Variants in SCHIP1 observed in about 807,000 individuals in gnomAD.
The protein encoded by SCHIP1 is schwannomin interacting protein 1.
Under a neutral mutation model 29.7 loss-of-function variants are expected in SCHIP1, and 8 were observed. That is an observed-to-expected ratio of 0.27 (90% CI 0.16 to 0.49). SCHIP1 has a LOEUF of 0.49. SCHIP1 is among the 20% of genes least tolerant of loss of function. The probability of loss-of-function intolerance (pLI) is 0.99; values close to 1 mark genes in which losing one functional copy is unlikely to be tolerated. For synonymous variants in SCHIP1, 76 were observed against 94.9 expected (o/e 0.80, Z 1.16); for missense variants, 193 against 294.6 (o/e 0.66, Z 2.52).
chr3:159,394,211 T>G, the SCHIP1 span, among the ~76,000 whole-genome samples: 39 of 150,692 alleles, frequency 2.6e-4, no homozygotes, highest in African/African-American at 9.3e-4. Context: ...AAGGAGATTT[T>G]GGGCTGAGAC....
At chr3:159,464,858 A>G in the SCHIP1 span, among the ~76,000 whole-genome samples, 2 of 152,210 alleles carry the variant, frequency 1.3e-5, no homozygotes, top group African/African-American at 2.4e-5. Flanking sequence ...TCCTCTAAGC[A>G]TTTAATACTA....
the SCHIP1 span, among the ~76,000 whole-genome samples, chr3:159,819,658 T>C: frequency 6.6e-6 from 1 of 152,240 alleles, no homozygotes; most frequent in South Asian, 2.1e-4. Flanking sequence ...AATGTTTTCA[T>C]AGCAGAGAAA....
At chr3:159,552,685 C>T in the SCHIP1 span, among the ~76,000 whole-genome samples, 1 of 152,108 alleles carries the variant, frequency 6.6e-6, no homozygotes, top group Non-Finnish European at 1.5e-5. Flanking sequence ...TCTTGCTTTT[C>T]AATTACTTTT....
At chr3:159,316,602 C>T in the SCHIP1 span, among the ~76,000 whole-genome samples, 1 of 152,176 alleles carries the variant, frequency 6.6e-6, no homozygotes, top group Non-Finnish European at 1.5e-5. Flanking sequence ...CCCTTGTCAA[C>T]TTGAACCTGT....
chr3:159,735,612 T>C, the SCHIP1 span, among the ~76,000 whole-genome samples: 1 of 152,196 alleles, frequency 6.6e-6, no homozygotes, highest in African/African-American at 2.4e-5. Context: ...TTCAGCACTT[T>C]CATTGTTTAG....
At chr3:159,608,206 G>A in the SCHIP1 span, among the ~76,000 whole-genome samples, 1 of 152,222 alleles carries the variant, frequency 6.6e-6, no homozygotes, top group Non-Finnish European at 1.5e-5. Flanking sequence ...GGAGACCTCA[G>A]TGATTCAACT....
chr3:159,597,750 A>G, the SCHIP1 span, among the ~76,000 whole-genome samples: 2 of 152,216 alleles, frequency 1.3e-5, no homozygotes, highest in Non-Finnish European at 2.9e-5. Context: ...AAAGTGCAAT[A>G]TCCCTTTGAT....
At chr3:159,599,638 T>C in the SCHIP1 span, among the ~76,000 whole-genome samples, 1 of 152,226 alleles carries the variant, frequency 6.6e-6, no homozygotes, top group African/African-American at 2.4e-5. Flanking sequence ...CATATTTTCT[T>C]TTTCCACTCA....
At chr3:159,655,170 A>G in the SCHIP1 span, among the ~76,000 whole-genome samples, 221 of 152,344 alleles carry the variant, frequency 1.5e-3, no homozygotes, top group African/African-American at 5.0e-3. Context: ...AAAATTGAAT[A>G]TAAAATATCT....
At chr3:159,828,388 CATATATACGTAT>C in the SCHIP1 span, among the ~76,000 whole-genome samples, 925 of 65,182 alleles carry the variant, frequency 0.014, 16 homozygotes, top group East Asian at 0.053. Flanking sequence ...TATATATATA[CATATATACGTAT>C]ATATATACGT....
exon 7 of SCHIP1, chr3:159,896,768 A>C: frequency 1.2e-6 from 2 of 1,607,146 alleles, no homozygotes; most frequent in African/African-American, 1.3e-5. Flanking sequence ...AAATGCCTGC[A>C]AAGTGAAAAG....
chr3:159,594,118 G>C, the SCHIP1 span, among the ~76,000 whole-genome samples: 5 of 152,086 alleles, frequency 3.3e-5, no homozygotes, highest in South Asian at 2.1e-4. Context: ...AGATGCCCAG[G>C]ATGCAGCTGC....
the SCHIP1 span, among the ~76,000 whole-genome samples, chr3:159,357,551 C>G: frequency 1.1e-4 from 17 of 152,160 alleles, no homozygotes; most frequent in African/African-American, 3.9e-4. Flanking sequence ...ACTGTGTAGA[C>G]TAGAAGGACT....
At chr3:159,383,634 A>G in the SCHIP1 span, among the ~76,000 whole-genome samples, 2 of 119,394 alleles carry the variant, frequency 1.7e-5, no homozygotes, top group Admixed American at 9.3e-5. Flanking sequence ...GTTTTTTCCA[A>G]TTCTGTGAAG....
the SCHIP1 span, among the ~76,000 whole-genome samples, chr3:159,654,343 CTT>C: frequency 6.6e-6 from 1 of 152,128 alleles, no homozygotes; most frequent in Non-Finnish European, 1.5e-5. Context: ...TTGGCACTCA[CTT>C]TTTATTTACC....
chr3:159,344,281 A>C, the SCHIP1 span, among the ~76,000 whole-genome samples: 1 of 149,490 alleles, frequency 6.7e-6, no homozygotes, highest in African/African-American at 2.5e-5. Flanking sequence ...AGATCGTGAT[A>C]TTGCACTCCA....
the SCHIP1 span, chr3:159,273,826 G>A: frequency 1.2e-6 from 2 of 1,613,522 alleles, no homozygotes; most frequent in Admixed American, 1.7e-5. Context: ...GCACCATGGA[G>A]AGGTCCGGGC....
chr3:159,366,655 ACT>A, the SCHIP1 span, among the ~76,000 whole-genome samples: 3 of 152,082 alleles, frequency 2.0e-5, no homozygotes, highest in South Asian at 4.1e-4. Context: ...TCATTTGCTG[ACT>A]CTCTAGACCT....
chr3:159,393,032 G>A, the SCHIP1 span, among the ~76,000 whole-genome samples: 6 of 152,214 alleles, frequency 3.9e-5, no homozygotes, highest in Non-Finnish European at 8.8e-5. Flanking sequence ...GTATCTCATT[G>A]TGGTTTTGGT....
Sources: allele counts gnomAD v4.1 joint callset (sites outside exome capture counted in the v4.1 genomes callset), GRCh38; gene constraint gnomAD v4.1.1; transcripts MANE v1.5; gene names NCBI Gene and HGNC (gene_info 2026-07-23, HGNC 2026-07-21).